Variants in PCDH7 observed in about 807,000 individuals in gnomAD.
PCDH7 encodes protocadherin-7.
In PCDH7, 17 loss-of-function variants were observed where a neutral mutation model predicts 58.9. The observed-to-expected ratio is 0.29, with a 90% confidence interval of 0.20 to 0.43. PCDH7 has a LOEUF of 0.43. PCDH7 is among the 20% of genes least tolerant of loss of function. The pLI is 1.00. For missense variants in PCDH7, 1,274 were observed against 1,441.0 expected, an observed-to-expected ratio of 0.88 and a Z score of 1.88; for synonymous variants, 664 against 616.4, an observed-to-expected ratio of 1.08 and a Z score of -1.14.
At chr4:31,054,648 C>G (rs1000235686) in intron 3 of PCDH7, among the ~76,000 whole-genome samples, 1 of 152,060 alleles carries the variant, frequency 6.6e-6, no homozygotes, top group Non-Finnish European at 1.5e-5. Context: ...TTATCTTCAT[C>G]AAATTCAAGG....
chr4:30,975,495 A>G (rs1482641801), intron 3 of PCDH7, among the ~76,000 whole-genome samples: 19 of 152,120 alleles, frequency 1.2e-4, no homozygotes, highest in Non-Finnish European at 5.9e-5. Context: ...AAGACTACCA[A>G]ATTTTCAATT....
intron 1 of PCDH7, among the ~76,000 whole-genome samples, chr4:30,760,140 A>T (rs1457514852): frequency 6.6e-6 from 1 of 152,158 alleles, no homozygotes; most frequent in Non-Finnish European, 1.5e-5. Context: ...AGTATCCCCC[A>T]GTGTTTCTAC....
chr4:30,836,396 C>T (rs1274544041), intron 1 of PCDH7, among the ~76,000 whole-genome samples: 3 of 152,060 alleles, frequency 2.0e-5, no homozygotes, highest in Non-Finnish European at 4.4e-5. Context: ...TAGAAAACCA[C>T]GTAACTAACA....
intron 3 of PCDH7, among the ~76,000 whole-genome samples, chr4:30,965,603 T>A (rs1748925994): frequency 6.6e-6 from 1 of 152,134 alleles, no homozygotes; most frequent in Admixed American, 6.5e-5. Flanking sequence ...GCATTTATCT[T>A]TCATGAGAGA....
At chr4:31,063,012 T>C (rs1347379420) in intron 3 of PCDH7, among the ~76,000 whole-genome samples, 2 of 151,858 alleles carry the variant, frequency 1.3e-5, no homozygotes, top group Non-Finnish European at 2.9e-5. Flanking sequence ...GTGTATAATA[T>C]AGTATATGTG....
Position 30,980,634 on chromosome 4 carries a change from G to C in PCDH7, c.*7+30419G>C, listed in dbSNP as rs187002993. ...TCGAGTATCATACTCACTTAAATAT[G>C]TATAATTCATTCATTGTTGAGTGAG... On this transcript the variant is annotated intron_variant, in intron 3 of 3. Coordinates refer to the PCDH7 transcript ENST00000509759. Among the ~76,000 whole-genome samples the C allele has an allele frequency of 3.2e-3, 486 of 152,044 alleles. 3 individuals carry two copies. Among genetic ancestry groups the C allele is most frequent in the African/African-American group, 0.01 (426 of 41,486 alleles).
At chr4:31,050,960 G>A (rs570939283) in intron 3 of PCDH7, among the ~76,000 whole-genome samples, 9 of 152,166 alleles carry the variant, frequency 5.9e-5, no homozygotes, top group Non-Finnish European at 7.4e-5. Flanking sequence ...TGCTATGCTC[G>A]TGTGTTTCAA....
At chr4:31,079,390 T>C (rs1298962802) in intron 3 of PCDH7, among the ~76,000 whole-genome samples, 1 of 129,778 alleles carries the variant, frequency 7.7e-6, no homozygotes, top group East Asian at 2.5e-4. Flanking sequence ...ATAGACAGAA[T>C]AGCAGTGGAT....
intron 2 of PCDH7, among the ~76,000 whole-genome samples, chr4:30,938,561 C>T (rs1403711472): frequency 2.6e-5 from 4 of 152,010 alleles, no homozygotes; most frequent in African/African-American, 9.6e-5. Flanking sequence ...TTTGAGACAC[C>T]TCTTGGAAAT....
intron 1 of PCDH7, among the ~76,000 whole-genome samples, chr4:30,752,552 T>A (rs1718670109): frequency 6.6e-6 from 1 of 151,798 alleles, no homozygotes; most frequent in African/African-American, 2.4e-5. Context: ...CTCAAAATAA[T>A]AAAATTTCAA....
intron 1 of PCDH7, among the ~76,000 whole-genome samples, chr4:30,875,085 A>C (rs940842684): frequency 1.3e-5 from 2 of 152,104 alleles, no homozygotes; most frequent in Non-Finnish European, 2.9e-5. Flanking sequence ...GTTATAACAA[A>C]ATACTACACA....
At chr4:30,878,270 G>T (rs910899335) in intron 1 of PCDH7, among the ~76,000 whole-genome samples, 1 of 152,034 alleles carries the variant, frequency 6.6e-6, no homozygotes, top group African/African-American at 2.4e-5. Flanking sequence ...AGAGTAAAGG[G>T]CAAGGGAGTC....
At chr4:31,130,945 A>G (rs1294912743) in intron 3 of PCDH7, among the ~76,000 whole-genome samples, 3 of 152,110 alleles carry the variant, frequency 2.0e-5, no homozygotes, top group African/African-American at 7.2e-5. Flanking sequence ...TCAGATAGCA[A>G]TGTCACCTGA....
exon 1 of PCDH7, chr4:30,724,560 G>A (rs1337475901): frequency 3.7e-6 from 6 of 1,613,958 alleles, no homozygotes. Flanking sequence ...ACTGCTCTGA[G>A]TACAGCTGTC....
At chr4:30,872,549 A>T (rs1396668591) in intron 1 of PCDH7, among the ~76,000 whole-genome samples, 1 of 151,982 alleles carries the variant, frequency 6.6e-6, no homozygotes, top group Non-Finnish European at 1.5e-5. Context: ...GAACCTTGGG[A>T]TTGGATTCAG....
chr4:31,108,296 T>A (rs1373323890), intron 3 of PCDH7, among the ~76,000 whole-genome samples: 1 of 142,926 alleles, frequency 7.0e-6, no homozygotes, highest in East Asian at 2.0e-4. Context: ...AAATGTGGAA[T>A]TCAGCCAGTG....
At chr4:31,117,831 G>A (rs190035290) in intron 3 of PCDH7, among the ~76,000 whole-genome samples, 26 of 152,210 alleles carry the variant, frequency 1.7e-4, no homozygotes, top group African/African-American at 6.0e-4. Context: ...ATGGGTAGAG[G>A]GGTTGTTAAG....
At chr4:30,993,426 T>A (rs1204016812) in intron 3 of PCDH7, among the ~76,000 whole-genome samples, 1 of 152,188 alleles carries the variant, frequency 6.6e-6, no homozygotes, top group Non-Finnish European at 1.5e-5. Flanking sequence ...AGTTAAAACA[T>A]AAACAGAAGG....
chr4:30,937,792 T>C (rs1039262749), intron 2 of PCDH7, among the ~76,000 whole-genome samples: 2 of 151,952 alleles, frequency 1.3e-5, no homozygotes, highest in Non-Finnish European at 2.9e-5. Flanking sequence ...TATAAGGGTA[T>C]TATGGGATTT....
Sources: gnomAD v4.1 joint callset for allele counts (sites outside exome capture counted in the v4.1 genomes callset) on GRCh38, gnomAD v4.1.1 for gene constraint, MANE v1.5 for transcripts, NCBI Gene and HGNC (gene_info 2026-07-23, HGNC 2026-07-21) for gene names.